The following ZNF385D variants were observed in gnomAD, a reference collection of about 807,000 sequenced individuals.
ZNF385D encodes the protein zinc finger protein 659.
ZNF385D carries 15 observed loss-of-function variants against 35.8 expected under a neutral mutation model. That is an observed-to-expected ratio of 0.42 (90% CI 0.28 to 0.64). The LOEUF is 0.64. Among genes scored for constraint, ZNF385D ranks in the 30% least tolerant of loss-of-function variants. The pLI is 0.23. For missense variants in ZNF385D, 474 were observed against 494.6 expected (o/e 0.96, Z 0.39); for synonymous variants, 212 against 186.8 (o/e 1.13, Z -1.10).
chr3:21,677,968 T>C (rs2066780789), intron 1 of ZNF385D, among the ~76,000 whole-genome samples: 1 of 152,008 alleles, frequency 6.6e-6, no homozygotes, highest in Non-Finnish European at 1.5e-5. Context: ...GAATCCATTA[T>C]ACCACTCCCC....
intron 1 of ZNF385D, among the ~76,000 whole-genome samples, chr3:21,701,896 G>A (rs2067698087): frequency 6.6e-6 from 1 of 152,166 alleles, no homozygotes; most frequent in Non-Finnish European, 1.5e-5. Flanking sequence ...GGTTCTCATG[G>A]TCTTGAGCAG....
rs1009847626 is a variant in ZNF385D at position 21,535,595 on chromosome 3, C to G, written c.277-24572G>C. On this transcript the variant is annotated intron_variant, in intron 3 of 7. Transcript: ENST00000281523. ...AGAATAAGAATAAGAGGAAATTGCT[C>G]TCATGAGTAAAAGATTAGAAAAAGG... 2.7e-4 allele frequency among the ~76,000 whole-genome samples: 41 copies of G among 152,126 alleles called. No individual in the cohort carries two copies. In the Middle Eastern group the frequency reaches 0.014, roughly 50 times the overall value.
intron 2 of ZNF385D, among the ~76,000 whole-genome samples, chr3:22,277,834 G>A (rs557318824): frequency 6.6e-6 from 1 of 152,080 alleles, no homozygotes; most frequent in South Asian, 2.1e-4. Flanking sequence ...CATGATGAAA[G>A]AGCGAGGATA....
At chr3:21,745,082 A>G (rs1470535828) in intron 1 of ZNF385D, among the ~76,000 whole-genome samples, 1 of 152,084 alleles carries the variant, frequency 6.6e-6, no homozygotes, top group Non-Finnish European at 1.5e-5. Context: ...TAGATTAAAC[A>G]ACATTTATCC....
intron 3 of ZNF385D, among the ~76,000 whole-genome samples, chr3:21,920,003 T>C (rs1306944902): frequency 6.6e-6 from 1 of 152,246 alleles, no homozygotes; most frequent in East Asian, 1.9e-4. Flanking sequence ...ATCATCACAT[T>C]GCATTGAAAT....
At chr3:22,135,957 T>G (rs1704074584) in intron 3 of ZNF385D, among the ~76,000 whole-genome samples, 1 of 152,180 alleles carries the variant, frequency 6.6e-6, no homozygotes, top group Admixed American at 6.6e-5. Context: ...CCTCACACTT[T>G]ATATAAAAAT....
At chr3:21,515,863 T>C (rs76005819) in intron 3 of ZNF385D, among the ~76,000 whole-genome samples, 1,856 of 152,316 alleles carry the variant, frequency 0.012, 14 homozygotes, top group Middle Eastern at 0.02. Flanking sequence ...TGTAATCCTT[T>C]ACTGCACAGG....
At chr3:22,190,100 T>C (rs1457291273) in intron 2 of ZNF385D, among the ~76,000 whole-genome samples, 1 of 152,170 alleles carries the variant, frequency 6.6e-6, no homozygotes. Flanking sequence ...AAAAACAGTA[T>C]TCTTGGTAAG....
chr3:21,997,911 GAA>G (rs1427459589), intron 3 of ZNF385D, among the ~76,000 whole-genome samples: 4 of 150,388 alleles, frequency 2.7e-5, no homozygotes, highest in Non-Finnish European at 4.4e-5. Context: ...GTGTGTGACA[GAA>G]AGAGAGAGAG....
chr3:21,801,835 A>T (rs1410433246), intron 3 of ZNF385D, among the ~76,000 whole-genome samples: 1 of 152,144 alleles, frequency 6.6e-6, no homozygotes, highest in Non-Finnish European at 1.5e-5. Context: ...CAGGATGCTC[A>T]GTGATTACTT....
chr3:22,280,969 C>A (rs573671001), intron 2 of ZNF385D, among the ~76,000 whole-genome samples: 1 of 151,816 alleles, frequency 6.6e-6, no homozygotes, highest in Admixed American at 6.6e-5. Context: ...TATATTCCTA[C>A]ATTTTTGTTT....
At chr3:22,153,441 CTGTT>C (rs1705387241) in intron 3 of ZNF385D, among the ~76,000 whole-genome samples, 1 of 148,092 alleles carries the variant, frequency 6.8e-6, no homozygotes, top group South Asian at 2.2e-4. Context: ...TGTTTTAATT[CTGTT>C]TGTCACCATG....
At chr3:21,614,780 G>C (rs2064796105) in intron 2 of ZNF385D, among the ~76,000 whole-genome samples, 1 of 152,160 alleles carries the variant, frequency 6.6e-6, no homozygotes, top group Non-Finnish European at 1.5e-5. Context: ...GTAGAGTCGG[G>C]GTTTTACCAT....
intron 2 of ZNF385D, among the ~76,000 whole-genome samples, chr3:22,284,499 G>GCT (rs1331204059): frequency 6.6e-6 from 1 of 151,806 alleles, no homozygotes; most frequent in East Asian, 1.9e-4. Flanking sequence ...CCCAACACAG[G>GCT]ATTTTTTTTA....
chr3:21,934,956 G>A (rs1701189962), intron 3 of ZNF385D, among the ~76,000 whole-genome samples: 1 of 152,164 alleles, frequency 6.6e-6, no homozygotes. Flanking sequence ...TAGTTGATGT[G>A]AGTAAGAAGA....
intron 3 of ZNF385D, among the ~76,000 whole-genome samples, chr3:21,757,445 AATTTATTATAT>A (rs1374700445): frequency 1.3e-5 from 2 of 152,078 alleles, no homozygotes; most frequent in African/African-American, 4.8e-5. Context: ...ACCTGGCCTA[AATTTATTATAT>A]ATGTGACTCT....
chr3:21,569,124 T>G (rs1266979095), intron 2 of ZNF385D, among the ~76,000 whole-genome samples: 1 of 152,134 alleles, frequency 6.6e-6, no homozygotes, highest in Non-Finnish European at 1.5e-5. Context: ...CCTTGTTAAC[T>G]TTCTGTCTCA....
chr3:21,921,829 C>A (rs1700478507), intron 3 of ZNF385D, among the ~76,000 whole-genome samples: 1 of 142,078 alleles, frequency 7.0e-6, no homozygotes. Context: ...AGTTTTGAAA[C>A]TGAATCAGTA....
At chr3:22,195,807 T>C (rs1412608739) in intron 2 of ZNF385D, among the ~76,000 whole-genome samples, 1 of 151,896 alleles carries the variant, frequency 6.6e-6, no homozygotes, top group African/African-American at 2.4e-5. Context: ...ATAAAGAAAA[T>C]GTTATACATA....
Sources: gnomAD v4.1 joint callset for allele counts (sites outside exome capture counted in the v4.1 genomes callset) on GRCh38, gnomAD v4.1.1 for gene constraint, MANE v1.5 for transcripts, NCBI Gene and HGNC (gene_info 2026-07-23, HGNC 2026-07-21) for gene names.